The following ADAM12 variants were observed in gnomAD, a reference collection of about 807,000 sequenced individuals.
ADAM12 encodes the protein ADAM metallopeptidase domain 12.
Under a neutral mutation model 106.4 loss-of-function variants are expected in ADAM12, and 70 were observed. The observed-to-expected ratio is 0.66, with a 90% CI of 0.54 to 0.80. The LOEUF (loss-of-function observed/expected upper bound fraction) is 0.80, where lower values mean the gene tolerates loss of function less well. ADAM12 is among the 30% of genes least tolerant of loss of function. ADAM12 has a pLI of 0.00. For missense variants in ADAM12, 1,010 were observed against 1,171.9 expected, an observed-to-expected ratio of 0.86 and a Z score of 2.02; for synonymous variants, 420 against 433.5, an observed-to-expected ratio of 0.97 and a Z score of 0.39.
At chr10:126,091,583 G>A (rs1026515513) in intron 11 of ADAM12, among the ~76,000 whole-genome samples, 2 of 148,498 alleles carry the variant, frequency 1.3e-5, no homozygotes, top group South Asian at 2.2e-4. Context: ...ATCAAATAAA[G>A]GCTATTAGCA....
At chr10:126,320,443 TTC>T (rs1854055667) in intron 2 of ADAM12, among the ~76,000 whole-genome samples, 1 of 152,224 alleles carries the variant, frequency 6.6e-6, no homozygotes, top group African/African-American at 2.4e-5. Context: ...ATAAAAATGT[TTC>T]TCACTTTTTA....
chr10:126,221,379 G>A (rs977904490), intron 3 of ADAM12, among the ~76,000 whole-genome samples: 1 of 94,044 alleles, frequency 1.1e-5, no homozygotes. Context: ...AACAGAGCAA[G>A]ACTCTGTCTC....
chr10:126,293,647 T>A (rs1472836669), intron 2 of ADAM12, among the ~76,000 whole-genome samples: 1 of 152,156 alleles, frequency 6.6e-6, no homozygotes, highest in Non-Finnish European at 1.5e-5. Flanking sequence ...GCCTCCTGAG[T>A]AGCTGAGATT....
intron 11 of ADAM12, among the ~76,000 whole-genome samples, chr10:126,082,295 C>T (rs1247052394): frequency 6.6e-6 from 1 of 151,356 alleles, no homozygotes; most frequent in South Asian, 2.1e-4. Context: ...AGTCCAGGCA[C>T]TGAGCTCAGA....
chr10:126,040,941 T>C (rs1299016828), intron 18 of ADAM12, among the ~76,000 whole-genome samples: 1 of 152,150 alleles, frequency 6.6e-6, no homozygotes, highest in African/African-American at 2.4e-5. Flanking sequence ...TCCCCTCCTG[T>C]TGGCCCAGTC....
At chr10:126,047,243 TC>T (rs1246591969) in intron 16 of ADAM12, among the ~76,000 whole-genome samples, 1 of 152,130 alleles carries the variant, frequency 6.6e-6, no homozygotes, top group African/African-American at 2.4e-5. Flanking sequence ...AGTAGAACCT[TC>T]CTATTGAGGA....
intron 14 of ADAM12, among the ~76,000 whole-genome samples, chr10:126,051,908 G>A (rs1157131341): frequency 6.6e-6 from 1 of 152,164 alleles, no homozygotes; most frequent in Non-Finnish European, 1.5e-5. Flanking sequence ...TCAGGGGACT[G>A]TTGCTTTTAA....
intron 1 of ADAM12, among the ~76,000 whole-genome samples, chr10:126,376,206 T>C (rs566706047): frequency 6.6e-6 from 1 of 152,188 alleles, no homozygotes; most frequent in Non-Finnish European, 1.5e-5. Context: ...AGACAAACTA[T>C]TAGAATAAAA....
At chr10:126,243,998 G>C (rs1958582222) in intron 3 of ADAM12, among the ~76,000 whole-genome samples, 1 of 152,170 alleles carries the variant, frequency 6.6e-6, no homozygotes, top group African/African-American at 2.4e-5. Context: ...GGATCAGACT[G>C]GGGGAGAAAG....
At chr10:126,261,944 T>C (rs965429571) in intron 3 of ADAM12, among the ~76,000 whole-genome samples, 37 of 152,030 alleles carry the variant, frequency 2.4e-4, no homozygotes, top group Admixed American at 7.2e-4. Flanking sequence ...GTATTTTTAA[T>C]ACCCAACATT....
intron 5 of ADAM12, among the ~76,000 whole-genome samples, chr10:126,121,501 TATAATAGAA>T (rs1565074687): frequency 3.6e-5 from 5 of 138,448 alleles, no homozygotes; most frequent in African/African-American, 1.3e-4. Flanking sequence ...CAATATATAA[TATAATAGAA>T]AATTATATAT....
intron 1 of ADAM12, among the ~76,000 whole-genome samples, chr10:126,375,167 G>C (rs1393249205): frequency 1.3e-5 from 2 of 151,590 alleles, no homozygotes; most frequent in Non-Finnish European, 2.9e-5. Flanking sequence ...TAGGGAATTT[G>C]CTACTCAGAG....
intron 21 of ADAM12, among the ~76,000 whole-genome samples, chr10:126,024,014 A>G (rs955003022): frequency 1.3e-5 from 2 of 152,240 alleles, no homozygotes; most frequent in Non-Finnish European, 2.9e-5. Flanking sequence ...ATTATTGGAA[A>G]AAGTTTTCTT....
At chr10:126,251,413 G>C (rs1958744423) in intron 3 of ADAM12, among the ~76,000 whole-genome samples, 1 of 152,200 alleles carries the variant, frequency 6.6e-6, no homozygotes, top group South Asian at 2.1e-4. Context: ...CACTGTCTTG[G>C]TCAAAATTCT....
intron 3 of ADAM12, among the ~76,000 whole-genome samples, chr10:126,263,516 T>C (rs1959041003): frequency 6.6e-6 from 1 of 152,122 alleles, no homozygotes; most frequent in East Asian, 1.9e-4. Context: ...GCATGCATCA[T>C]ACTTCCTCAA....
intron 3 of ADAM12, among the ~76,000 whole-genome samples, chr10:126,275,960 A>G (rs1959230200): frequency 6.6e-6 from 1 of 152,238 alleles, no homozygotes; most frequent in Non-Finnish European, 1.5e-5. Flanking sequence ...AATACTATGT[A>G]AACTATTTTC....
At chr10:126,191,616 A>G (rs918678158) in intron 3 of ADAM12, among the ~76,000 whole-genome samples, 14 of 152,104 alleles carry the variant, frequency 9.2e-5, no homozygotes, top group African/African-American at 3.4e-4. Flanking sequence ...TGGGGGGAAT[A>G]GGGGACAGGA....
intron 21 of ADAM12, among the ~76,000 whole-genome samples, chr10:126,027,127 C>T (rs1953888426): frequency 6.6e-6 from 1 of 152,048 alleles, no homozygotes. Flanking sequence ...CCTCTATGCA[C>T]ATAAACTAGA....
At chr10:126,362,403 A>G (rs1487608960) in intron 1 of ADAM12, among the ~76,000 whole-genome samples, 1 of 152,126 alleles carries the variant, frequency 6.6e-6, no homozygotes, top group African/African-American at 2.4e-5. Flanking sequence ...ATATTACCAT[A>G]TGACCCTGCA....
Sources: gnomAD v4.1 joint callset for allele counts (sites outside exome capture counted in the v4.1 genomes callset) on GRCh38, gnomAD v4.1.1 for gene constraint, MANE v1.5 for transcripts, NCBI Gene and HGNC (gene_info 2026-07-23, HGNC 2026-07-21) for gene names.